The following KIF1A variants were observed in gnomAD, a reference collection of about 807,000 sequenced individuals.
KIF1A encodes the protein kinesin family member 1A.
Under a neutral mutation model 227.3 loss-of-function variants are expected in KIF1A, and 46 were observed. The observed-to-expected ratio is 0.20, with a 90% CI of 0.16 to 0.26. KIF1A has a LOEUF of 0.26. Among genes scored for constraint, KIF1A ranks in the 10% least tolerant of loss-of-function variants. KIF1A has a pLI of 1.00. For missense variants in KIF1A, 1,683 were observed against 2,485.9 expected, an observed-to-expected ratio of 0.68 and a Z score of 6.87; for synonymous variants, 1,022 against 1,012.8, an observed-to-expected ratio of 1.01 and a Z score of -0.17.
At chr2:240,729,162 T>C (rs2046341972) in intron 38 of KIF1A, among the ~76,000 whole-genome samples, 2 of 152,058 alleles carry the variant, frequency 1.3e-5, no homozygotes, top group African/African-American at 4.8e-5. Flanking sequence ...ATTACTTCTA[T>C]GCACTGGGTA....
rs2049402770 is a variant in KIF1A, at chr2:240,752,961, C to T, written c.2859-2414G>A. On this transcript the variant is annotated intron_variant, in intron 27 of 48. Coordinates refer to ENST00000498729, the MANE Select transcript of KIF1A (RefSeq NM_001244008.2). This position sits in a 1 kb window ranked among gnomAD's most constrained non-coding sequence, Gnocchi z 6.4. ...CCAGGGCCACCCAGACAGGGTCAGA[C>T]ACTACCTTTCCTACCCCCAAAGACC... is the stretch of plus-strand genomic sequence containing the variant. Among the ~76,000 whole-genome samples the T allele has an allele frequency of 6.6e-6, 1 of 152,160 alleles. No homozygotes were observed. The highest frequency in any genetic ancestry group is 2.1e-4 in the South Asian group (1 of 4,832).
rs2051315163 is a variant in KIF1A at position 240,767,196 on chromosome 2, G to A, written c.1577+70C>T. On this transcript the variant is annotated intron_variant, in intron 18 of 48. Coordinates refer to ENST00000498729, the MANE Select transcript of KIF1A (RefSeq NM_001244008.2). ...GGCCCCTCTGCAGAAGCAGGAATGG[G>A]GAGTCCAGCCTTCCCCTGCCAGATC... is the stretch of plus-strand genomic sequence containing the variant. The A allele has an allele frequency of 3.0e-6, 4 of 1,346,378 alleles. No individual in the cohort carries two copies. The Admixed American group carries it at 5.3e-5, about 18-fold the overall frequency. The allele number at this position is 1,346,378 out of a possible 1,614,324, so 83.4% of individuals were successfully genotyped here.
intron 10 of KIF1A, among the ~76,000 whole-genome samples, chr2:240,780,250 T>C (rs2126013697): frequency 6.6e-6 from 1 of 151,992 alleles, no homozygotes; most frequent in South Asian, 2.1e-4. Context: ...AGCAGCTGCA[T>C]GGCTCCTCGG....
chr2:240,787,246 C>T lies in KIF1A; in HGVS notation c.429+5G>A. 6 of 1,612,108 alleles carry T rather than the reference C, an allele frequency of 3.7e-6. No individual in the cohort carries two copies. The highest frequency in any genetic ancestry group is 5.1e-6 in the Non-Finnish European group (6 of 1,178,772). On this transcript the variant is annotated splice_donor_5th_base_variant and intron_variant, in intron 5 of 48. Coordinates refer to ENST00000498729, the MANE Select transcript of KIF1A (RefSeq NM_001244008.2). ...CAGCGGCCAACGGCAGGCGGGGAGC[C>T]CTACCTCCACGGAGTAGGACATGTT...
chr2:240,747,193 G>A (rs763554778), intron 29 of KIF1A, 43 bp downstream of exon 29: 26 of 1,479,078 alleles, frequency 1.8e-5, no homozygotes, highest in African/African-American at 2.8e-5. Flanking sequence ...TCCAGTGAGC[G>A]CCAGGCACCT....
At position 240,788,671 on chromosome 2, in the gene KIF1A, T is replaced by C. The variant is rs1176166314; in HGVS notation, c.184-441A>G. Among the ~76,000 whole-genome samples, 2 of 151,112 alleles carry C rather than the reference T, an allele frequency of 1.3e-5. No homozygotes were observed. The highest frequency in any genetic ancestry group is 2.4e-5 in the African/African-American group (1 of 40,996). On this transcript the variant is annotated intron_variant, in intron 3 of 48. Transcript: ENST00000498729. This position sits in a 1 kb window ranked among gnomAD's most constrained non-coding sequence, Gnocchi z 6.6. ...ACTTTAGGCAGGGGGACAGGGTGATTAGCTGGGGGTCATCCTGGAAGGAGG... is the reference window on the plus strand; with the variant it reads ...ACTTTAGGCAGGGGGACAGGGTGATCAGCTGGGGGTCATCCTGGAAGGAGG...
intron 46 of KIF1A, 126 bp from the exon 47 acceptor site, chr2:240,719,324 T>A (rs1435570464): frequency 1.4e-5 from 16 of 1,117,030 alleles, no homozygotes; most frequent in Non-Finnish European, 1.6e-5. Flanking sequence ...AGAAAGTGGG[T>A]CGAGGCATCG....
At chr2:240,723,127 C>G (rs1035019138) in intron 42 of KIF1A, among the ~76,000 whole-genome samples, 4 of 152,248 alleles carry the variant, frequency 2.6e-5, no homozygotes, top group African/African-American at 9.6e-5. Context: ...CCCCGCGACT[C>G]TCCTTCCGGG....
rs1368122993 is a variant in KIF1A at position 240,719,850 on chromosome 2, A to T, written c.4945T>A (p.Ser1649Thr). The part of the protein sequence containing the change: ...LPEADSKKLP[S>T]PARATETDKE... ...TCTGTCTCTGTTGCCCGGGCAGGGGAAGGGAGCTTCTTGGAGTCGGCCTCT... is the reference window on the plus strand; with the variant it reads ...TCTGTCTCTGTTGCCCGGGCAGGGGTAGGGAGCTTCTTGGAGTCGGCCTCT... The change falls in exon 46 of 49, where the codon TCC (serine) becomes ACC (threonine). Residue 1649 changes from serine to threonine, a missense_variant. This residue lies in a region of KIF1A where 384 missense variants were observed against 410.1 expected (regional missense o/e 0.94). Coordinates refer to ENST00000498729, the MANE Select transcript of KIF1A (RefSeq NM_001244008.2). 1 of 1,611,746 alleles carries T rather than the reference A, an allele frequency of 6.2e-7. No homozygotes were observed. Among genetic ancestry groups the T allele is most frequent in the Admixed American group, 1.7e-5 (1 of 59,898 alleles).
upstream of KIF1A, among the ~76,000 whole-genome samples, chr2:240,820,863 G>A (rs890022387): frequency 1.3e-5 from 2 of 152,106 alleles, no homozygotes; most frequent in Admixed American, 1.3e-4. This position sits in a 1 kb window ranked among gnomAD's most constrained non-coding sequence, Gnocchi z 6.2. Context: ...GCGGCTCGTG[G>A]GGACCCCCCG....
At chr2:240,774,313 T>A in intron 11 of KIF1A, 52 bp from the exon 12 acceptor site, 1 of 1,226,926 alleles carries the variant, frequency 8.2e-7, no homozygotes, top group Non-Finnish European at 1.2e-6. Flanking sequence ...GCCCCAGGGC[T>A]ATGTCTGCTC....
rs2060193 is a variant in KIF1A at position 240,721,561 on chromosome 2, T to C, written c.4743+246A>G. Among the ~76,000 whole-genome samples the C allele has an allele frequency of 0.89, 136,077 of 152,226 alleles. 61,072 individuals are homozygous for C. Among genetic ancestry groups the C allele is most frequent in the East Asian group, 1 (5,155 of 5,164 alleles). On this transcript the variant is annotated intron_variant, in intron 44 of 48. Transcript: ENST00000498729. ...CAGGAAGACAGCAGAAGCCTGCAAG[T>C]GCATGGGTGCATCCAAGGCCACAGG...
chr2:240,762,641 C>CA, intron 23 of KIF1A, 78 bp downstream of exon 23: 1 of 1,425,462 alleles, frequency 7.0e-7, no homozygotes, highest in Non-Finnish European at 9.2e-7. Flanking sequence ...CAGTGACCTC[C>CA]AGGGAGAGGC....
chr2:240,780,830 C>CCACACA (rs772178620), intron 10 of KIF1A, among the ~76,000 whole-genome samples: 672 of 10,050 alleles, frequency 0.067, 120 homozygotes, highest in African/African-American at 0.2. Context: ...ACACACAGCT[C>CCACACA]CACACACACA....
At chr2:240,797,201 T>C (rs961522619) in intron 2 of KIF1A, among the ~76,000 whole-genome samples, 28 of 152,208 alleles carry the variant, frequency 1.8e-4, no homozygotes, top group African/African-American at 6.8e-4. Flanking sequence ...TGGGTGTCCT[T>C]ATAAGAAAGC....
In KIF1A at chr2:240,736,942, G is replaced by A. The variant is rs1020861229; in HGVS notation, c.4007+121C>T. ...CACAGCTCCTGCAGGTGCCAGGAGG[G>A]AGGGCCGGGAGAGCGTTGAGCGGGT... On this transcript the variant is annotated intron_variant, in intron 38 of 48. Transcript: ENST00000498729. This position sits in a 1 kb window ranked among gnomAD's most constrained non-coding sequence, Gnocchi z 4.7. The A allele has an allele frequency of 6.0e-4, 471 of 791,058 alleles. 1 individual carries two copies. The highest frequency in any genetic ancestry group is 1.3e-4 in the Non-Finnish European group (61 of 462,246). 49.0% of individuals were successfully genotyped at this position (791,058 alleles called of 1,614,324 possible). A position where few individuals can be genotyped will look rare whatever the true frequency, so the allele number is the denominator to read the frequency against.
chr2:240,765,965 G>C (rs1340153542), intron 19 of KIF1A, among the ~76,000 whole-genome samples, 172 bp from the exon 20 acceptor site: 1 of 152,230 alleles, frequency 6.6e-6, no homozygotes, highest in South Asian at 2.1e-4. Context: ...GAGGAGCTTA[G>C]GGGTCTCACC....
rs999752749 is a variant in KIF1A at position 240,715,261 on chromosome 2, A to T, written c.*2103T>A. On this transcript the variant is annotated 3_prime_UTR_variant, in exon 49 of 49. Transcript: ENST00000498729. ...GGTCCACTGCCTCCAGAGGTCACCCATGGGGAGCACAGGCCACCTGGCTTC... is the reference window on the plus strand; with the variant it reads ...GGTCCACTGCCTCCAGAGGTCACCCTTGGGGAGCACAGGCCACCTGGCTTC... The T allele has an allele frequency of 6.6e-6, 1 of 152,498 alleles. No individual in the cohort carries two copies. The highest frequency in any genetic ancestry group is 6.5e-5 in the Admixed American group (1 of 15,294). The allele number at this position is 152,498 out of a possible 1,614,324, so 9.4% of individuals were successfully genotyped here. A position where few individuals can be genotyped will look rare whatever the true frequency, so the allele number is the denominator to read the frequency against.
chr2:240,786,709 GACCCCT>G (rs1161998975), intron 5 of KIF1A, among the ~76,000 whole-genome samples, 196 bp from the exon 6 acceptor site: 55 of 137,754 alleles, frequency 4.0e-4, no homozygotes, highest in African/African-American at 9.8e-4. Flanking sequence ...CCAGCATCAG[GACCCCT>G]GAGTGAGGGG....
Sources: gnomAD v4.1 joint callset for allele counts (sites outside exome capture counted in the v4.1 genomes callset) on GRCh38, gnomAD v4.1.1 for gene constraint, gnomAD v4.1.1 regional missense constraint, Gnocchi (gnomAD v3.1) non-coding constraint, MANE v1.5 for transcripts, NCBI Gene and HGNC (gene_info 2026-07-23, HGNC 2026-07-21) for gene names.